The following CCDC102B variants were observed in gnomAD, a reference collection of about 807,000 sequenced individuals.
CCDC102B encodes coiled-coil domain containing 102B.
In CCDC102B, 75 loss-of-function variants were observed where a neutral mutation model predicts 57.4. That is an observed-to-expected ratio of 1.31 (90% CI 1.08 to 1.58). The LOEUF is 1.58. Ranked by LOEUF, CCDC102B falls within the 40% of genes most tolerant of loss-of-function variation. The probability of loss-of-function intolerance (pLI) is 0.00; values close to 1 mark genes in which losing one functional copy is unlikely to be tolerated. For missense variants in CCDC102B, 636 were observed against 582.6 expected (o/e 1.09, Z -0.94); for synonymous variants, 206 against 201.9 (o/e 1.02, Z -0.17).
intron 2 of CCDC102B, among the ~76,000 whole-genome samples, chr18:68,791,353 G>A (rs2035452451): frequency 1.3e-5 from 2 of 152,112 alleles, no homozygotes. Context: ...TCAGTATAGT[G>A]GATGTTGAGT....
intron 1 of CCDC102B, among the ~76,000 whole-genome samples, chr18:68,808,079 A>T (rs1246490731): frequency 1.1e-4 from 16 of 152,168 alleles, no homozygotes; most frequent in African/African-American, 3.6e-4. Flanking sequence ...TTCATATTAT[A>T]GATGTAACTT....
chr18:68,857,182 TATATTTATATATTTTTATATAATATATAA>T (rs2038457820), intron 4 of CCDC102B, among the ~76,000 whole-genome samples: 6 of 67,094 alleles, frequency 8.9e-5, no homozygotes, highest in East Asian at 4.6e-4. Flanking sequence ...TATATAAAAA[TATATTTATATATTTTTATATAATATATAA>T]AAATATATTT....
intron 5 of CCDC102B, among the ~76,000 whole-genome samples, chr18:68,894,532 C>T (rs1485542019): frequency 6.6e-6 from 1 of 151,678 alleles, no homozygotes; most frequent in Non-Finnish European, 1.5e-5. Flanking sequence ...ATGATAAACT[C>T]TGAGAGCTTA....
intron 6 of CCDC102B, among the ~76,000 whole-genome samples, chr18:68,902,851 C>G (rs550151850): frequency 1.3e-4 from 20 of 152,190 alleles, no homozygotes; most frequent in Admixed American, 8.5e-4. Context: ...TTTGTGAGAT[C>G]ATTTGATTAG....
At chr18:68,911,266 T>C (rs1217248004) in intron 6 of CCDC102B, among the ~76,000 whole-genome samples, 1 of 152,058 alleles carries the variant, frequency 6.6e-6, no homozygotes, top group Non-Finnish European at 1.5e-5. Context: ...CAAAAAAGAA[T>C]GGGATTATAT....
intron 6 of CCDC102B, among the ~76,000 whole-genome samples, chr18:68,912,648 G>C (rs547892123): frequency 2.6e-5 from 4 of 152,210 alleles, no homozygotes; most frequent in African/African-American, 9.6e-5. Context: ...ATTGTTAAGA[G>C]GCAACTAATA....
chr18:68,800,002 A>AATC (rs1290135729), intron 1 of CCDC102B, among the ~76,000 whole-genome samples: 1 of 151,978 alleles, frequency 6.6e-6, no homozygotes, highest in Admixed American at 6.6e-5. Flanking sequence ...TCTTTACCAT[A>AATC]ATCATCATCA....
intron 6 of CCDC102B, chr18:68,908,178 C>T (rs1348609871): frequency 1.3e-5 from 2 of 152,088 alleles, no homozygotes; most frequent in African/African-American, 4.8e-5. Context: ...ATTGGATTCC[C>T]TTTTCCAGTA....
intron 6 of CCDC102B, among the ~76,000 whole-genome samples, chr18:68,920,792 C>T (rs1353726898): frequency 6.6e-6 from 1 of 152,096 alleles, no homozygotes; most frequent in Admixed American, 6.6e-5. Flanking sequence ...CACTCAGTAT[C>T]ACAAGGACCA....
At chr18:69,028,499 ATGT>A (rs2145437586) in intron 7 of CCDC102B, among the ~76,000 whole-genome samples, 1 of 152,236 alleles carries the variant, frequency 6.6e-6, no homozygotes, top group Non-Finnish European at 1.5e-5. Flanking sequence ...GGACAGTGGT[ATGT>A]CTGGTTACCA....
At chr18:68,882,834 G>T (rs1208052765) in intron 5 of CCDC102B, among the ~76,000 whole-genome samples, 1 of 152,112 alleles carries the variant, frequency 6.6e-6, no homozygotes, top group African/African-American at 2.4e-5. Flanking sequence ...CATGTCCTTT[G>T]CAGGGACATG....
At chr18:68,731,642 A>T (rs1599380731) in intron 2 of CCDC102B, among the ~76,000 whole-genome samples, 1 of 151,020 alleles carries the variant, frequency 6.6e-6, no homozygotes, top group South Asian at 2.1e-4. Context: ...ATAATATAAT[A>T]TAAACAATTT....
intron 3 of CCDC102B, among the ~76,000 whole-genome samples, chr18:68,845,229 A>C (rs574187755): frequency 1.3e-5 from 2 of 152,004 alleles, no homozygotes; most frequent in Admixed American, 1.3e-4. Context: ...TTTTTCTTAT[A>C]AATATGTAAA....
At chr18:69,033,384 A>G (rs1327765844) in intron 7 of CCDC102B, among the ~76,000 whole-genome samples, 2 of 152,132 alleles carry the variant, frequency 1.3e-5, no homozygotes, top group East Asian at 3.8e-4. Flanking sequence ...ACTACAATCT[A>G]ATTTTAAAAC....
intron 7 of CCDC102B, among the ~76,000 whole-genome samples, chr18:69,021,476 G>T (rs796929964): frequency 2.2e-4 from 34 of 152,216 alleles, no homozygotes; most frequent in African/African-American, 8.2e-4. Context: ...AAACCAGCCG[G>T]TTCATGTAAT....
At chr18:68,963,517 G>A (rs975727845) in intron 6 of CCDC102B, among the ~76,000 whole-genome samples, 10 of 151,690 alleles carry the variant, frequency 6.6e-5, no homozygotes, top group African/African-American at 2.2e-4. Context: ...TTATTACCCC[G>A]TGTTAATTAA....
intron 2 of CCDC102B, among the ~76,000 whole-genome samples, chr18:68,790,181 G>A (rs1473693253): frequency 6.6e-6 from 1 of 151,172 alleles, no homozygotes; most frequent in Non-Finnish European, 1.5e-5. Flanking sequence ...GAGGCAGTCT[G>A]CCCATTCTCA....
chr18:69,022,217 AT>A (rs2051857961), intron 7 of CCDC102B, among the ~76,000 whole-genome samples: 4 of 51,230 alleles, frequency 7.8e-5, no homozygotes, highest in South Asian at 1.2e-3. Context: ...ATATATATAT[AT>A]ATATAACACA....
At chr18:68,999,455 A>AC (rs1333174636) in intron 6 of CCDC102B, among the ~76,000 whole-genome samples, 104 of 151,830 alleles carry the variant, frequency 6.8e-4, no homozygotes, top group African/African-American at 2.4e-3. Flanking sequence ...AAAAAAAAAA[A>AC]AAAAACCCAG....
Sources: gnomAD v4.1 joint callset for allele counts (sites outside exome capture counted in the v4.1 genomes callset) on GRCh38, gnomAD v4.1.1 for gene constraint, MANE v1.5 for transcripts, NCBI Gene and HGNC (gene_info 2026-07-23, HGNC 2026-07-21) for gene names.